Variants in PTDSS1 observed in about 807,000 individuals in gnomAD.
The protein encoded by PTDSS1 is PSS-1.
In PTDSS1, 45 loss-of-function variants were observed where a neutral mutation model predicts 70.5. The ratio of observed to expected loss-of-function variants is 0.64; its 90% CI spans 0.50 to 0.82. The LOEUF is 0.82. Among genes scored for constraint, PTDSS1 ranks in the 40% least tolerant of loss-of-function variants. The pLI is 0.00. For synonymous variants in PTDSS1, 188 were observed against 203.8 expected (o/e 0.92, Z 0.66); for missense variants, 417 against 586.1 (o/e 0.71, Z 2.98).
At chr8:96,267,616 G>A (rs1810506520) in intron 1 of PTDSS1, among the ~76,000 whole-genome samples, 1 of 152,210 alleles carries the variant, frequency 6.6e-6, no homozygotes, top group Admixed American at 6.5e-5. Context: ...CACAAGGATT[G>A]TGACTTTCCA....
chr8:96,287,391 C>A, intron 4 of PTDSS1: 3 of 460,014 alleles, frequency 6.5e-6, no homozygotes, highest in Middle Eastern at 1.1e-3. Flanking sequence ...CGTCAGACAG[C>A]CTTGGGTGTG....
intron 2 of PTDSS1, among the ~76,000 whole-genome samples, chr8:96,275,331 A>T (rs1485346394): frequency 6.6e-6 from 1 of 151,950 alleles, no homozygotes; most frequent in African/African-American, 2.4e-5. Context: ...AATTTTTTAT[A>T]TTTTTTGTAG....
At chr8:96,294,532 T>G (rs1446939714) in intron 4 of PTDSS1, among the ~76,000 whole-genome samples, 4 of 152,192 alleles carry the variant, frequency 2.6e-5, no homozygotes, top group Non-Finnish European at 4.4e-5. Flanking sequence ...GATATATTTT[T>G]GGGGAGGGGA....
chr8:96,318,327 A>AC, intron 9 of PTDSS1, among the ~76,000 whole-genome samples: 1 of 152,056 alleles, frequency 6.6e-6, no homozygotes, highest in African/African-American at 2.4e-5. Flanking sequence ...CTATTTAAAA[A>AC]AAAAAAGATA....
intron 1 of PTDSS1, among the ~76,000 whole-genome samples, chr8:96,263,606 T>G (rs1810445627): frequency 6.6e-6 from 1 of 152,242 alleles, no homozygotes. Context: ...TCTCTCCCAG[T>G]ATTTTTATCC....
At chr8:96,300,297 T>TACTTCC (rs1361854454) in intron 6 of PTDSS1, among the ~76,000 whole-genome samples, 35 of 152,282 alleles carry the variant, frequency 2.3e-4, no homozygotes, top group Non-Finnish European at 4.3e-4. Context: ...TCATGGTCAA[T>TACTTCC]ACATCCATTA....
chr8:96,275,375 G>A (rs1009509096), intron 2 of PTDSS1, among the ~76,000 whole-genome samples: 15 of 152,056 alleles, frequency 9.9e-5, no homozygotes, highest in African/African-American at 3.4e-4. Context: ...TGCCCAGACT[G>A]GTCTTAAACT....
At chr8:96,317,043 G>A (rs74695390) in intron 9 of PTDSS1, among the ~76,000 whole-genome samples, 2 of 45,318 alleles carry the variant, frequency 4.4e-5, no homozygotes, top group Non-Finnish European at 1.0e-4. Context: ...CTATATATAT[G>A]TGTGTATATA....
chr8:96,318,218 G>A (rs373166212), intron 9 of PTDSS1, among the ~76,000 whole-genome samples: 13 of 152,094 alleles, frequency 8.5e-5, no homozygotes, highest in African/African-American at 2.9e-4. Context: ...CCAGCTACTC[G>A]GGAGGTTGAG....
chr8:96,335,358 G>A lies in PTDSS1; in HGVS notation c.*1792G>A, dbSNP rs1397033254. On this transcript the variant is annotated 3_prime_UTR_variant, in exon 13 of 13. Transcript: ENST00000517309. Reference sequence around the variant, plus strand: ...GCTTTTCTAAGCATGACATACTTGTGCCCATTGGAGAAGACACCTGTCTCT... The same window carrying A: ...GCTTTTCTAAGCATGACATACTTGTACCCATTGGAGAAGACACCTGTCTCT... 1 of 152,136 alleles carries A rather than the reference G, an allele frequency of 6.6e-6. No homozygotes were observed. Among genetic ancestry groups the A allele is most frequent in the Admixed American group, 6.5e-5 (1 of 15,274 alleles). The allele number at this position is 152,136 out of a possible 1,614,324, so 9.4% of individuals were successfully genotyped here.
chr8:96,324,236 C>T (rs925533644), intron 10 of PTDSS1, among the ~76,000 whole-genome samples: 1 of 152,170 alleles, frequency 6.6e-6, no homozygotes, highest in Non-Finnish European at 1.5e-5. Flanking sequence ...GAGGCTTTCC[C>T]TCTTTTCTTC....
chr8:96,314,342 C>A (rs944218056), intron 9 of PTDSS1, among the ~76,000 whole-genome samples: 1 of 152,100 alleles, frequency 6.6e-6, no homozygotes, highest in Admixed American at 6.5e-5. Flanking sequence ...CCACGGCACG[C>A]AGCCTAGACT....
Position 96,333,526 on chromosome 8 carries a change from A to T in PTDSS1, c.1382A>T (p.His461Leu). ...CATTCTTCCAGGAGAAGGAATCGGC[A>T]TTCCAAGTCAAAAGTCACCAATGGC... ...ESHSSRRRNR[H>L]SKSKVTNGVG... The change falls in exon 13 of 13, where the codon CAT (histidine) becomes CTT (leucine). Residue 461 changes from histidine (H) to leucine (L), a missense_variant. By Grantham distance (99) the His-to-Leu change is moderately conservative (BLOSUM62 -3). Transcript: ENST00000517309. 2 of 1,613,974 alleles carry T rather than the reference A, an allele frequency of 1.2e-6. No homozygotes were observed. Among genetic ancestry groups the T allele is most frequent in the Non-Finnish European group, 1.7e-6 (2 of 1,179,848 alleles).
chr8:96,306,752 G>A (rs1811130299), intron 8 of PTDSS1, among the ~76,000 whole-genome samples, 196 bp downstream of exon 8: 1 of 152,170 alleles, frequency 6.6e-6, no homozygotes, highest in Admixed American at 6.5e-5. Flanking sequence ...AAAAAGAGAA[G>A]CACTTGATGA....
At chr8:96,331,541 C>T (rs1481538012) in intron 12 of PTDSS1, among the ~76,000 whole-genome samples, 1 of 150,910 alleles carries the variant, frequency 6.6e-6, no homozygotes, top group East Asian at 2.0e-4. Flanking sequence ...AACCACGGCA[C>T]TCCAGTCTCG....
Position 96,306,451 on chromosome 8 carries a change from A to G in PTDSS1, c.902A>G (p.Glu301Gly). The G allele has an allele frequency of 1.2e-6, 2 of 1,613,456 alleles. No individual in the cohort carries two copies. The highest frequency in any genetic ancestry group is 1.7e-6 in the Non-Finnish European group (2 of 1,179,454). ...TTTCTCCGTCTTTTTCAGCTGACTG[A>G]GTTGAATACCTTCTTCTTGAAGCAT... ...YLFMIIWQLT[E>G]LNTFFLKHIF... The change falls in exon 8 of 13, where the codon GAG becomes GGG. Residue 301 changes from glutamate to glycine, a missense_variant. Physicochemically the swap from Glu to Gly is moderately conservative, Grantham distance 98. This residue lies in a region of PTDSS1 where 272 missense variants were observed against 429.5 expected (regional missense o/e 0.63). Transcript: ENST00000517309.
intron 5 of PTDSS1, among the ~76,000 whole-genome samples, chr8:96,296,359 C>T (rs1351961833): frequency 6.6e-6 from 1 of 151,952 alleles, no homozygotes; most frequent in Non-Finnish European, 1.5e-5. Context: ...AGGATGGTCT[C>T]AATCTCCTGT....
intron 9 of PTDSS1, among the ~76,000 whole-genome samples, chr8:96,314,696 A>T (rs1206275514): frequency 2.6e-5 from 4 of 152,188 alleles, no homozygotes; most frequent in Admixed American, 2.6e-4. Flanking sequence ...TCCCGGGTTC[A>T]TGCCGTTCTC....
intron 7 of PTDSS1, 34 bp from the exon 8 acceptor site, chr8:96,306,410 G>C: frequency 6.9e-7 from 1 of 1,450,920 alleles, no homozygotes; most frequent in Non-Finnish European, 9.7e-7. Flanking sequence ...TTAGCATGAG[G>C]TACCAGGTTG....
Sources: allele counts gnomAD v4.1 joint callset (sites outside exome capture counted in the v4.1 genomes callset), GRCh38; gene constraint gnomAD v4.1.1; regional missense constraint gnomAD v4.1.1; transcripts MANE v1.5; gene names NCBI Gene and HGNC (gene_info 2026-07-23, HGNC 2026-07-21).